Variants in DYDC1 observed in about 807,000 individuals in gnomAD.
DYDC1 encodes DPY30 domain containing 1.
DYDC1 carries 21 observed loss-of-function variants against 27.9 expected under a neutral mutation model. That is an observed-to-expected ratio of 0.75 (90% CI 0.53 to 1.08). The LOEUF (loss-of-function observed/expected upper bound fraction) is 1.08. Ranked by LOEUF, DYDC1 falls within the 50% of genes least tolerant of loss-of-function variation. The probability of loss-of-function intolerance (pLI) is 0.00; values close to 1 mark genes in which losing one functional copy is unlikely to be tolerated. For missense variants in DYDC1, 202 were observed against 205.9 expected, an observed-to-expected ratio of 0.98 and a Z score of 0.12; for synonymous variants, 67 against 65.8, an observed-to-expected ratio of 1.02 and a Z score of -0.09.
intron 3 of DYDC1, among the ~76,000 whole-genome samples, chr10:80,351,354 C>T (rs1842960975): frequency 6.6e-6 from 1 of 152,136 alleles, no homozygotes; most frequent in African/African-American, 2.4e-5. Flanking sequence ...CACTCTATTT[C>T]CTAATGTCAC....
chr10:80,341,459 A>G lies in DYDC1; in HGVS notation c.342+810T>C, dbSNP rs554897624. ...CTCTGTCTCAAAAAAAAAAAAAAAA[A>G]AAAAAGAAAGAAAGAAAAAAGTTAC... On this transcript the variant is annotated intron_variant, in intron 4 of 6. Transcript: ENST00000372202. 6.3e-4 allele frequency among the ~76,000 whole-genome samples: 95 copies of G among 151,074 alleles called. 1 individual carries two copies. Among genetic ancestry groups the G allele is most frequent in the Admixed American group, 6.1e-3 (92 of 15,172 alleles).
chr10:80,350,104 C>G (rs1842897330), intron 3 of DYDC1, among the ~76,000 whole-genome samples: 1 of 151,766 alleles, frequency 6.6e-6, no homozygotes, highest in Admixed American at 6.6e-5. Context: ...TCGATCTCTC[C>G]TATCTATTTC....
At chr10:80,349,397 A>G (rs553045040) in intron 3 of DYDC1, among the ~76,000 whole-genome samples, 2 of 152,354 alleles carry the variant, frequency 1.3e-5, no homozygotes, top group African/African-American at 2.4e-5. Flanking sequence ...TTCCTACATA[A>G]TATGCCATAA....
At chr10:80,337,026 G>T in intron 6 of DYDC1, 1 of 701,328 alleles carries the variant, frequency 1.4e-6, no homozygotes, top group Non-Finnish European at 1.8e-6. Context: ...AAGACCCAGT[G>T]TGCTCTGCCT....
At chr10:80,340,434 A>G (rs1842281239) in intron 4 of DYDC1, among the ~76,000 whole-genome samples, 1 of 152,154 alleles carries the variant, frequency 6.6e-6, no homozygotes, top group Non-Finnish European at 1.5e-5. Context: ...AGCCTATAGA[A>G]ATAGGAATTA....
chr10:80,337,615 T>C (rs1460712863), intron 6 of DYDC1, among the ~76,000 whole-genome samples: 2 of 152,174 alleles, frequency 1.3e-5, no homozygotes, highest in African/African-American at 4.8e-5. Flanking sequence ...GTCTGGCCCC[T>C]GCTTTCTCCC....
intron 6 of DYDC1, chr10:80,337,477 A>T (rs953784286): frequency 1.0e-6 from 1 of 977,384 alleles, no homozygotes; most frequent in Non-Finnish European, 1.2e-6. Context: ...CCTGACACCT[A>T]CTTCTCCATT....
At chr10:80,352,287 T>C (rs1843041825) in intron 2 of DYDC1, 168 bp downstream of exon 2, 2 of 1,047,232 alleles carry the variant, frequency 1.9e-6, no homozygotes, top group Non-Finnish European at 2.6e-6. Context: ...TAAATAGAAG[T>C]CTTCTTTGGG....
At chr10:80,351,149 C>T (rs1321064025) in intron 3 of DYDC1, among the ~76,000 whole-genome samples, 1 of 152,214 alleles carries the variant, frequency 6.6e-6, no homozygotes, top group Non-Finnish European at 1.5e-5. Context: ...ACCTTACAAC[C>T]TTGTTCTTAG....
rs137915481 is a variant in DYDC1, at chr10:80,352,525, G to C, written c.77C>G (p.Pro26Arg). 1.2e-6 allele frequency: 2 copies of C among 1,613,356 alleles called. No individual in the cohort carries two copies. Among genetic ancestry groups the C allele is most frequent in the African/African-American group, 2.7e-5 (2 of 74,854 alleles). ...QGLAEVARVR[P>R]VDPIEYLALW... ...TGCTAAATATTCTATCGGATCCACT[G>C]GGCGAACTCTTGCCACTTCTGCAAG... The change falls in exon 2 of 7, where the codon CCA becomes CGA. Residue 26 changes from proline (P) to arginine (R), a missense_variant. Transcript: ENST00000372202.
intron 1 of DYDC1, among the ~76,000 whole-genome samples, chr10:80,354,899 G>A (rs373369849): frequency 1.3e-5 from 2 of 152,164 alleles, no homozygotes; most frequent in South Asian, 4.1e-4. Flanking sequence ...CTACAGCAGC[G>A]CAAACTAAAA....
At chr10:80,353,531 T>C (rs1355965069) in intron 1 of DYDC1, among the ~76,000 whole-genome samples, 4 of 151,090 alleles carry the variant, frequency 2.6e-5, no homozygotes, top group Admixed American at 1.3e-4. Flanking sequence ...TTTGGAAAAA[T>C]TGATCACCCT....
In DYDC1 at chr10:80,339,076, AGAAT is replaced by A; in HGVS notation, c.399+17_399+20del. ...ATACTCAATTCATTTCACATAACAT[AGAAT>A]GACTTTTTCTTCTCACCTCTGAATG... On this transcript the variant is annotated intron_variant, in intron 5 of 6. Transcript: ENST00000372202. 1 of 1,345,324 alleles carries A rather than the reference AGAAT, an allele frequency of 7.4e-7. No homozygotes were observed. Among genetic ancestry groups the A allele is most frequent in the Non-Finnish European group, 1.0e-6 (1 of 992,434 alleles). The allele number at this position is 1,345,324 out of a possible 1,614,324, so 83.3% of individuals were successfully genotyped here. A position where few individuals can be genotyped will look rare whatever the true frequency, so the allele number is the denominator to read the frequency against.
intron 1 of DYDC1, among the ~76,000 whole-genome samples, chr10:80,356,064 A>C (rs927843133): frequency 6.6e-6 from 1 of 150,668 alleles, no homozygotes; most frequent in South Asian, 2.1e-4. Flanking sequence ...GAGGAAGGGG[A>C]CCATTATCCC....
At chr10:80,339,302 T>C (rs981015079) in intron 4 of DYDC1, 149 bp from the exon 5 acceptor site, 8 of 362,530 alleles carry the variant, frequency 2.2e-5, no homozygotes, top group Admixed American at 9.9e-5. Flanking sequence ...TGATTACACA[T>C]TACAAAACTG....
rs543448319 is a variant in DYDC1 at position 80,342,913 on chromosome 10, G to A, written c.250-552C>T. ...GGAGAATCGCTTGAACCTGGGAGGT[G>A]GAGGTTGCAGTGAGCCGAGATTGTG... On this transcript the variant is annotated intron_variant, in intron 3 of 6. Transcript: ENST00000372202. Among the ~76,000 whole-genome samples the A allele has an allele frequency of 4.0e-5, 6 of 150,504 alleles. 1 individual carries two copies. In the Middle Eastern group the frequency reaches 0.01, roughly 259 times the overall value.
intron 4 of DYDC1, among the ~76,000 whole-genome samples, chr10:80,341,461 A>AAAG (rs1554844092): frequency 1.3e-5 from 2 of 150,668 alleles, no homozygotes; most frequent in Non-Finnish European, 3.0e-5. Flanking sequence ...AAAAAAAAAA[A>AAAG]AAAGAAAGAA....
chr10:80,351,824 A>C, intron 3 of DYDC1, 77 bp downstream of exon 3: 1 of 1,326,466 alleles, frequency 7.5e-7, no homozygotes, highest in Non-Finnish European at 1.1e-6. Context: ...TGGGAAGTTT[A>C]TCAACATTTA....
intron 3 of DYDC1, among the ~76,000 whole-genome samples, chr10:80,347,293 T>TGC: frequency 7.0e-6 from 1 of 142,894 alleles, no homozygotes; most frequent in Non-Finnish European, 1.5e-5. Context: ...TTTTTTTTTT[T>TGC]TTTTTTTTTT....
Sources: allele counts gnomAD v4.1 joint callset (sites outside exome capture counted in the v4.1 genomes callset), GRCh38; gene constraint gnomAD v4.1.1; transcripts MANE v1.5; gene names NCBI Gene and HGNC (gene_info 2026-07-23, HGNC 2026-07-21).